The following SPRY1 variants were observed in gnomAD, a reference collection of about 807,000 sequenced individuals.
The protein encoded by SPRY1 is protein sprouty homolog 1.
A neutral mutation model predicts 22.6 loss-of-function variants in SPRY1; 20 were observed. The ratio of observed to expected loss-of-function variants is 0.89; its 90% CI spans 0.62 to 1.29. The LOEUF (loss-of-function observed/expected upper bound fraction) is 1.29, where lower values mean the gene tolerates loss of function less well. SPRY1 is among the 50% of genes most tolerant of loss of function. SPRY1 has a pLI of 0.00. For missense variants in SPRY1, 446 were observed against 387.7 expected, an observed-to-expected ratio of 1.15 and a Z score of -1.26; for synonymous variants, 155 against 144.7, an observed-to-expected ratio of 1.07 and a Z score of -0.51.
At chr4:123,399,455 G>A (rs150823021) in intron 2 of SPRY1, 178 of 152,258 alleles carry the variant, frequency 1.2e-3, no homozygotes, top group African/African-American at 4.2e-3. Context: ...CACAGAGAGA[G>A]GGAGAAAGAA....
In SPRY1 at chr4:123,403,142, G is replaced by A. The variant is rs903378970; in HGVS notation, c.*591G>A. The A allele has an allele frequency of 4.1e-6, 1 of 244,770 alleles. No homozygotes were observed. The highest frequency in any genetic ancestry group is 2.3e-5 in the African/African-American group (1 of 44,436). The allele number at this position is 244,770 out of a possible 1,614,324, so 15.2% of individuals were successfully genotyped here. ...TCAGTTTTGTTGTTGTCTTACTCTG[G>A]AGATGCCAAGTGTATTTTTTCTTTC... is the stretch of plus-strand genomic sequence containing the variant. On this transcript the variant is annotated 3_prime_UTR_variant, in exon 3 of 3. Coordinates refer to ENST00000651917, the MANE Select transcript of SPRY1 (RefSeq NM_001258038.2).
At chr4:123,400,656 T>C (rs1725108415) in intron 2 of SPRY1, among the ~76,000 whole-genome samples, 1 of 152,220 alleles carries the variant, frequency 6.6e-6, no homozygotes, top group Non-Finnish European at 1.5e-5. Flanking sequence ...AATCAAGGTC[T>C]GTCATGTAAA....
rs1352360340 is a variant in SPRY1, at chr4:123,402,489, T to TC, written c.900dup (p.Asn301GlnfsTer6). 6.2e-7 allele frequency: 1 copy of TC among 1,614,174 alleles called. No homozygotes were observed. Among genetic ancestry groups the TC allele is most frequent in the South Asian group, 1.1e-5 (1 of 91,080 alleles). On this transcript the variant is annotated frameshift_variant, in exon 3 of 3. Transcript: ENST00000651917. LOFTEE classifies it high-confidence loss of function. ...TCGCCCAGGGTGCAGATGTAAGAAC[T>TC]CCAACACTGTCTATTGTAAGCTGGA... is the stretch of plus-strand genomic sequence containing the variant.
intron 2 of SPRY1, among the ~76,000 whole-genome samples, chr4:123,401,135 T>C (rs543658294): frequency 6.6e-6 from 1 of 152,296 alleles, no homozygotes; most frequent in East Asian, 1.9e-4. Flanking sequence ...GACATTTTCC[T>C]TTATGGAAGC....
rs1251272686 is a variant in SPRY1 at position 123,401,890 on chromosome 4, C to A, written c.299C>A (p.Ala100Glu). The A allele has an allele frequency of 6.2e-7, 1 of 1,614,072 alleles. No homozygotes were observed. Among genetic ancestry groups the A allele is most frequent in the African/African-American group, 1.3e-5 (1 of 74,926 alleles). ...EHRHTSHLGH[A>E]VLPSNARGPI... ...AGACACACAAGCCACCTGGGACATG[C>A]AGTACTCCCAAGTAATGCCAGGGGC... Residue 100 changes from alanine to glutamate, a missense_variant, in exon 3 of 3, where the codon GCA (alanine) becomes GAA (glutamate). Ala to Glu is a moderately radical substitution (Grantham distance 107, BLOSUM62 -1). Transcript: ENST00000651917.
chr4:123,401,439 G>T, intron 2 of SPRY1, 98 bp from the exon 3 acceptor site: 1 of 1,053,202 alleles, frequency 9.5e-7, no homozygotes, highest in Non-Finnish European at 1.4e-6. Context: ...ATTACTAGGC[G>T]GTTTAGGCAA....
In SPRY1 at chr4:123,402,300, G is replaced by A. The variant is rs142173292; in HGVS notation, c.709G>A (p.Glu237Lys). The A allele has an allele frequency of 3.1e-6, 5 of 1,614,206 alleles. No individual in the cohort carries two copies. The highest frequency in any genetic ancestry group is 4.2e-6 in the Non-Finnish European group (5 of 1,180,032). The change falls in exon 3 of 3, where the codon GAA (glutamate) becomes AAA (lysine). Residue 237 changes from glutamate to lysine, a missense_variant. Physicochemically the swap from Glu to Lys is moderately conservative, Grantham distance 56. Transcript: ENST00000651917. Reference sequence around the variant, plus strand: ...CTTCTACCACTGCTCCAATGACGACGAAGGGGATTCCTATTCAGATAATCC... The same window carrying A: ...CTTCTACCACTGCTCCAATGACGACAAAGGGGATTCCTATTCAGATAATCC... ...GIFYHCSNDD[E>K]GDSYSDNPCS...
chr4:123,402,622 G>A lies in SPRY1; in HGVS notation c.*71G>A. On this transcript the variant is annotated 3_prime_UTR_variant, in exon 3 of 3. Coordinates refer to ENST00000651917, the MANE Select transcript of SPRY1 (RefSeq NM_001258038.2). ...GTGGCTGTTTTTTGTTTTTGTTTTT[G>A]TTTTTGTTTTCTTTAGAATTTTTCC... is the stretch of plus-strand genomic sequence containing the variant. 1 of 1,521,060 alleles carries A rather than the reference G, an allele frequency of 6.6e-7. No homozygotes were observed. Among genetic ancestry groups the A allele is most frequent in the Middle Eastern group, 2.1e-4 (1 of 4,868 alleles). The allele number at this position is 1,521,060 out of a possible 1,614,324, so 94.2% of individuals were successfully genotyped here.
intron 2 of SPRY1, 85 bp downstream of exon 2, chr4:123,397,941 G>T (rs1256716885): frequency 6.6e-6 from 1 of 151,938 alleles, no homozygotes; most frequent in Non-Finnish European, 1.5e-5. Flanking sequence ...GGTACTGCGC[G>T]GCTCCGTGAC....
intron 2 of SPRY1, chr4:123,399,630 T>C (rs964958713): frequency 2.6e-5 from 4 of 152,304 alleles, no homozygotes; most frequent in African/African-American, 7.2e-5. Context: ...CTTTAAAGCA[T>C]AGACAAATCC....
chr4:123,400,293 T>G (rs1725094411), intron 2 of SPRY1: 1 of 152,220 alleles, frequency 6.6e-6, no homozygotes, highest in Non-Finnish European at 1.5e-5. Context: ...AGTTAACATG[T>G]AAGACATAGT....
chr4:123,400,864 T>TTG (rs1553946128), intron 2 of SPRY1, among the ~76,000 whole-genome samples: 172 of 151,982 alleles, frequency 1.1e-3, no homozygotes, highest in African/African-American at 3.2e-3. Flanking sequence ...ACATTGAGTC[T>TTG]TGTGTGTGTG....
chr4:123,398,311 C>T (rs1366718756), intron 2 of SPRY1: 5 of 151,944 alleles, frequency 3.3e-5, no homozygotes, highest in African/African-American at 1.2e-4. Context: ...GAGAACTGCC[C>T]TCCGCAGCCG....
chr4:123,399,629 A>G (rs888275500), intron 2 of SPRY1: 1 of 152,284 alleles, frequency 6.6e-6, no homozygotes, highest in Non-Finnish European at 1.5e-5. Flanking sequence ...CCTTTAAAGC[A>G]TAGACAAATC....
intron 2 of SPRY1, among the ~76,000 whole-genome samples, chr4:123,398,905 C>T (rs1725028909): frequency 6.6e-6 from 1 of 152,034 alleles, no homozygotes; most frequent in African/African-American, 2.4e-5. Flanking sequence ...GAGGAGTGTG[C>T]CTCAAGCAGG....
intron 2 of SPRY1, chr4:123,399,983 A>C (rs973194223): frequency 1.3e-5 from 2 of 152,194 alleles, no homozygotes; most frequent in African/African-American, 2.4e-5. Flanking sequence ...GAAGTTTGTT[A>C]CAACTATCAT....
At position 123,402,054 on chromosome 4, in the gene SPRY1, C is replaced by A; in HGVS notation, c.463C>A (p.Arg155=). 6.2e-7 allele frequency: 1 copy of A among 1,614,162 alleles called. No homozygotes were observed. The highest frequency in any genetic ancestry group is 8.5e-7 in the Non-Finnish European group (1 of 1,180,046). ...TGGTCATAGGTCTGAAAGGGCAATC[C>A]GGACCCAGCCCAAGCAACTGATTGT... ...VPGHRSERAI[R]TQPKQLIVDD... is the part of the protein sequence containing the mutation. Residue 155 remains arginine, a synonymous_variant, in exon 3 of 3, where the codon CGG becomes AGG. Coordinates refer to ENST00000651917, the MANE Select transcript of SPRY1 (RefSeq NM_001258038.2).
chr4:123,401,390 G>A, intron 2 of SPRY1, 147 bp from the exon 3 acceptor site: 1 of 664,486 alleles, frequency 1.5e-6, no homozygotes, highest in South Asian at 2.0e-5. Flanking sequence ...ACTCTGGCCA[G>A]GACCCCAGCA....
chr4:123,402,862 A>G lies in SPRY1; in HGVS notation c.*311A>G, dbSNP rs1725230878. ...GCAACTTTCTAAAGTTGTGTACATG[A>G]ACATACACCCACATCCAGACTACAG... On this transcript the variant is annotated 3_prime_UTR_variant, in exon 3 of 3. Transcript: ENST00000651917. The G allele has an allele frequency of 2.0e-6, 1 of 495,278 alleles. No individual in the cohort carries two copies. Among genetic ancestry groups the G allele is most frequent in the Admixed American group, 3.7e-5 (1 of 26,806 alleles). 30.7% of individuals were successfully genotyped at this position (495,278 alleles called of 1,614,324 possible).
Sources: gnomAD v4.1 joint callset for allele counts (sites outside exome capture counted in the v4.1 genomes callset) on GRCh38, gnomAD v4.1.1 for gene constraint, MANE v1.5 for transcripts, NCBI Gene and HGNC (gene_info 2026-07-23, HGNC 2026-07-21) for gene names.